The following DHRS9 variants were observed in gnomAD, a reference collection of about 807,000 sequenced individuals.
DHRS9 encodes the protein dehydrogenase/reductase 9.
A neutral mutation model predicts 26.6 loss-of-function variants in DHRS9; 18 were observed. The observed-to-expected ratio is 0.68, with a 90% CI of 0.47 to 1.00. DHRS9 has a LOEUF of 1.00. DHRS9 is among the 50% of genes least tolerant of loss of function. The pLI is 0.00. For missense variants in DHRS9, 425 were observed against 378.7 expected (o/e 1.12, Z -1.01); for synonymous variants, 134 against 141.1 (o/e 0.95, Z 0.36).
chr2:169,089,733 A>C (rs1362053643), intron 3 of DHRS9, among the ~76,000 whole-genome samples: 1 of 152,220 alleles, frequency 6.6e-6, no homozygotes, highest in Non-Finnish European at 1.5e-5. Flanking sequence ...TAAGCACAAA[A>C]ATATTGGAAC....
chr2:169,092,673 C>T (rs1684568128), intron 4 of DHRS9, among the ~76,000 whole-genome samples: 1 of 152,116 alleles, frequency 6.6e-6, no homozygotes, highest in Admixed American at 6.6e-5. Flanking sequence ...TGGGTGGAAA[C>T]TTTCTGGAGC....
At chr2:169,083,293 T>C (rs1574030094) in intron 2 of DHRS9, 36 bp from the exon 3 acceptor site, 2 of 1,607,198 alleles carry the variant, frequency 1.2e-6, no homozygotes, top group Non-Finnish European at 8.5e-7. Context: ...ATAAGTACTG[T>C]CTTACCACAC....
At chr2:169,089,922 G>C (rs1684467846) in intron 3 of DHRS9, among the ~76,000 whole-genome samples, 1 of 152,046 alleles carries the variant, frequency 6.6e-6, no homozygotes, top group African/African-American at 2.4e-5. Flanking sequence ...ACCTCCATTG[G>C]TCTCTTTGGT....
At chr2:169,078,815 C>CTTTTTTTTTTTTTTTTTTTT (rs200691133) in intron 1 of DHRS9, among the ~76,000 whole-genome samples, 3 of 110,366 alleles carry the variant, frequency 2.7e-5, no homozygotes, top group Non-Finnish European at 5.4e-5. Context: ...TATCAACTGA[C>CTTTTTTTTTTTTTTTTTTTT]TTTTTTTTTT....
chr2:169,069,362 C>T (rs1397991948), upstream of DHRS9: 1 of 930,402 alleles, frequency 1.1e-6, no homozygotes, highest in Non-Finnish European at 1.3e-6. Flanking sequence ...TTGTACTAAT[C>T]ATAAAATGAA....
intron 1 of DHRS9, chr2:169,074,216 A>C (rs1432111098): frequency 4.2e-6 from 4 of 946,968 alleles, no homozygotes; most frequent in Non-Finnish European, 5.0e-6. Context: ...CACTTCACCC[A>C]GTACTCTCCA....
In DHRS9 at chr2:169,083,609, A is replaced by G. The variant is rs200364395; in HGVS notation, c.572+22A>G. ...TAAGGTAAATCAAATTAATCAACTT[A>G]TTAGGAAACAATAGCTGCAAACGTT... On this transcript the variant is annotated intron_variant, in intron 3 of 4. Coordinates refer to ENST00000674881, the MANE Select transcript of DHRS9 (RefSeq NM_001376924.1). 28 of 1,609,508 alleles carry G rather than the reference A, an allele frequency of 1.7e-5. No homozygotes were observed. In the South Asian group the frequency reaches 1.8e-4, roughly 10 times the overall value.
At chr2:169,081,431 T>C (rs1187400485) in intron 1 of DHRS9, 92 bp from the exon 2 acceptor site, 2 of 1,382,352 alleles carry the variant, frequency 1.4e-6, no homozygotes, top group Non-Finnish European at 1.9e-6. Context: ...TTATCCACAC[T>C]AATGCATTAA....
intron 1 of DHRS9, chr2:169,070,904 A>G (rs1683781803): frequency 3.9e-6 from 1 of 255,138 alleles, no homozygotes; most frequent in South Asian, 1.5e-4. Context: ...CTCTACTAAA[A>G]ATACAAAAAA....
At chr2:169,082,499 T>C (rs891569618) in intron 2 of DHRS9, among the ~76,000 whole-genome samples, 8 of 152,204 alleles carry the variant, frequency 5.3e-5, no homozygotes, top group African/African-American at 1.2e-4. Flanking sequence ...TGGATTAAGA[T>C]GTTAGGATTC....
At chr2:169,072,104 A>T (rs1275934937) in intron 1 of DHRS9, among the ~76,000 whole-genome samples, 1 of 152,042 alleles carries the variant, frequency 6.6e-6, no homozygotes, top group Admixed American at 6.6e-5. Context: ...TGTTAAGTCA[A>T]CCGGGTTTAC....
At chr2:169,072,527 G>A (rs187289930) in intron 1 of DHRS9, 1 of 755,068 alleles carries the variant, frequency 1.3e-6, no homozygotes, top group Non-Finnish European at 1.6e-6. Context: ...AGAGGAAGGT[G>A]AATAAGAGAA....
chr2:169,082,535 A>AT (rs1338185008), intron 2 of DHRS9, among the ~76,000 whole-genome samples: 5 of 152,060 alleles, frequency 3.3e-5, no homozygotes, highest in African/African-American at 2.4e-5. Flanking sequence ...AATGTTTGCG[A>AT]TTTTTTTTCT....
intron 3 of DHRS9, among the ~76,000 whole-genome samples, chr2:169,085,995 G>C (rs1684337398): frequency 6.6e-6 from 1 of 152,108 alleles, no homozygotes; most frequent in Non-Finnish European, 1.5e-5. Flanking sequence ...AATCTGCTTA[G>C]TGTTCTATAA....
intron 1 of DHRS9, among the ~76,000 whole-genome samples, chr2:169,073,162 G>C (rs1349810190): frequency 6.6e-6 from 1 of 152,040 alleles, no homozygotes. Flanking sequence ...ATAATGCCAA[G>C]TATCATACAA....
chr2:169,083,466 T>C lies in DHRS9; in HGVS notation c.451T>C (p.Leu151=). The change falls in exon 3 of 5, where the codon TTG becomes CTG. Residue 151 remains leucine (L), a synonymous_variant. Transcript: ENST00000674881. ...CAGTGTGACACTAAATATGCTTCCTTTGGTCAAGAAAGCTCAAGGGAGAGT... is the reference window on the plus strand; with the variant it reads ...CAGTGTGACACTAAATATGCTTCCTCTGGTCAAGAAAGCTCAAGGGAGAGT... The part of the protein sequence containing the change: ...LISVTLNMLP[L]VKKAQGRVIN... 3.1e-6 allele frequency: 5 copies of C among 1,614,104 alleles called. No homozygotes were observed. The South Asian group carries it at 4.4e-5, about 14-fold the overall frequency.
intron 1 of DHRS9, chr2:169,070,467 C>T: frequency 1.0e-6 from 1 of 985,370 alleles, no homozygotes; most frequent in Non-Finnish European, 1.2e-6. Context: ...TGAAATGTCC[C>T]ACTACACTGT....
At chr2:169,079,090 G>A (rs1021648340) in intron 1 of DHRS9, among the ~76,000 whole-genome samples, 2 of 151,746 alleles carry the variant, frequency 1.3e-5, no homozygotes, top group African/African-American at 4.8e-5. Context: ...CTTGTGATCT[G>A]CCCCCCTCTG....
chr2:169,088,555 A>C (rs1684423403), intron 3 of DHRS9, among the ~76,000 whole-genome samples: 1 of 152,190 alleles, frequency 6.6e-6, no homozygotes, highest in African/African-American at 2.4e-5. Context: ...AGGATGATCA[A>C]TGAAGGCTTC....
Sources: gnomAD v4.1 joint callset for allele counts (sites outside exome capture counted in the v4.1 genomes callset) on GRCh38, gnomAD v4.1.1 for gene constraint, MANE v1.5 for transcripts, NCBI Gene and HGNC (gene_info 2026-07-23, HGNC 2026-07-21) for gene names.